The following PBX3 variants were observed in gnomAD, a reference collection of about 807,000 sequenced individuals.
The protein encoded by PBX3 is PBX homeobox 3, also known as pre-B-cell leukemia transcription factor 3.
In PBX3, 14 loss-of-function variants were observed where a neutral mutation model predicts 48.5. That is an observed-to-expected ratio of 0.29 (90% CI 0.19 to 0.45). The LOEUF is 0.45. Ranked by LOEUF, PBX3 falls within the 20% of genes least tolerant of loss-of-function variation. The pLI is 1.00. For missense variants in PBX3, 386 were observed against 546.7 expected (o/e 0.71, Z 2.93); for synonymous variants, 210 against 200.3 (o/e 1.05, Z -0.41).
chr9:125,908,561 A>G (rs368720891), intron 2 of PBX3, among the ~76,000 whole-genome samples: 1 of 71,310 alleles, frequency 1.4e-5, no homozygotes, highest in South Asian at 4.6e-4. Flanking sequence ...GTAGACTTCT[A>G]GCATTTTCTG....
At chr9:125,807,868 A>G (rs192485789) in intron 2 of PBX3, among the ~76,000 whole-genome samples, 13 of 152,352 alleles carry the variant, frequency 8.5e-5, no homozygotes, top group Admixed American at 8.5e-4. Flanking sequence ...TGTTTATGTT[A>G]TCAAAAAGAG....
At chr9:125,906,981 A>G (rs58286075) in intron 2 of PBX3, among the ~76,000 whole-genome samples, 5,393 of 152,062 alleles carry the variant, frequency 0.035, 333 homozygotes, top group African/African-American at 0.12. Context: ...TTTACTTTCT[A>G]TGTGTTTTTC....
rs1052593070 is a variant in PBX3 at position 125,792,061 on chromosome 9, C to T, written c.274+43438C>T. Among the ~76,000 whole-genome samples, 6 of 150,256 alleles carry T rather than the reference C, an allele frequency of 4.0e-5. No homozygotes were observed. In the East Asian group the frequency reaches 5.8e-4, roughly 15 times the overall value. On this transcript the variant is annotated intron_variant, in intron 2 of 8. Coordinates refer to ENST00000373489, the MANE Select transcript of PBX3 (RefSeq NM_006195.6). ...ACACACACACGCACGCACGCACGCA[C>T]GCACGCACGCACGCATATAAATAAA...
At chr9:125,956,536 T>C (rs184477336) in intron 5 of PBX3, among the ~76,000 whole-genome samples, 1 of 152,344 alleles carries the variant, frequency 6.6e-6, no homozygotes, top group African/African-American at 2.4e-5. Flanking sequence ...TTCAGGCTGC[T>C]CCTTGGCCTT....
intron 2 of PBX3, among the ~76,000 whole-genome samples, chr9:125,866,830 C>T (rs1839993249): frequency 6.6e-6 from 1 of 152,058 alleles, no homozygotes; most frequent in Non-Finnish European, 1.5e-5. Context: ...TGACAGTATC[C>T]AAAGCTATAC....
chr9:125,867,854 A>G (rs981382620), intron 2 of PBX3, among the ~76,000 whole-genome samples: 1 of 151,190 alleles, frequency 6.6e-6, no homozygotes, highest in Admixed American at 6.6e-5. Flanking sequence ...ACACATACAT[A>G]TATTTGTTTT....
intron 5 of PBX3, among the ~76,000 whole-genome samples, chr9:125,942,032 C>T (rs1418167720): frequency 6.6e-6 from 1 of 152,184 alleles, no homozygotes; most frequent in African/African-American, 2.4e-5. Context: ...TATTTATTCA[C>T]TCAACCAACA....
At chr9:125,779,675 A>G (rs200197819) in intron 2 of PBX3, among the ~76,000 whole-genome samples, 2,262 of 126,136 alleles carry the variant, frequency 0.018, 46 homozygotes, top group East Asian at 0.062. Context: ...ACACAGACAC[A>G]GCAACCATCC....
rs577417268 is a variant in PBX3 at position 125,898,692 on chromosome 9, A to G, written c.275-16994A>G. Among the ~76,000 whole-genome samples, 216 of 151,982 alleles carry G rather than the reference A, an allele frequency of 1.4e-3. 1 individual carries two copies. Among genetic ancestry groups the G allele is most frequent in the Non-Finnish European group, 2.1e-3 (144 of 67,836 alleles). ...ATAACAGAGCAGATATGAAGTGAAGATACAGAATGCTGAACCTCTAGTCTA... is the reference window on the plus strand; with the variant it reads ...ATAACAGAGCAGATATGAAGTGAAGGTACAGAATGCTGAACCTCTAGTCTA... On this transcript the variant is annotated intron_variant, in intron 2 of 8. Transcript: ENST00000373489.
chr9:125,896,828 C>G (rs1423854805), intron 2 of PBX3, among the ~76,000 whole-genome samples: 2 of 151,932 alleles, frequency 1.3e-5, no homozygotes, highest in South Asian at 2.1e-4. Flanking sequence ...AACAAAGTCT[C>G]TGCATTAAAG....
At chr9:125,936,994 G>A (rs1423739136) in intron 5 of PBX3, among the ~76,000 whole-genome samples, 1 of 152,176 alleles carries the variant, frequency 6.6e-6, no homozygotes, top group Non-Finnish European at 1.5e-5. Flanking sequence ...AAAGGATTAG[G>A]TTCATGCCGA....
intron 5 of PBX3, among the ~76,000 whole-genome samples, chr9:125,940,699 C>T (rs1841942506): frequency 6.6e-6 from 1 of 152,110 alleles, no homozygotes; most frequent in Non-Finnish European, 1.5e-5. Flanking sequence ...TATGTAACTA[C>T]ATAATGCTAA....
In PBX3 at chr9:125,870,125, G is replaced by A. The variant is rs117839733; in HGVS notation, c.275-45561G>A. On this transcript the variant is annotated intron_variant, in intron 2 of 8. Transcript: ENST00000373489. ...AGCACTATCTCAGCTCACTGAGACAGTAGCACGATCTCAGCTCCCTGCAAC... is the reference window on the plus strand; with the variant it reads ...AGCACTATCTCAGCTCACTGAGACAATAGCACGATCTCAGCTCCCTGCAAC... 7.5e-4 allele frequency among the ~76,000 whole-genome samples: 112 copies of A among 149,442 alleles called. 2 individuals are homozygous for A. The East Asian group carries it at 0.021, about 28-fold the overall frequency.
At chr9:125,881,311 G>A (rs577955774) in intron 2 of PBX3, among the ~76,000 whole-genome samples, 1 of 152,332 alleles carries the variant, frequency 6.6e-6, no homozygotes, top group African/African-American at 2.4e-5. Context: ...AAATAGGGAA[G>A]TATCAATTAG....
Position 125,748,583 on chromosome 9 carries a change from A to G in PBX3, c.234A>G (p.Pro78=). ...CCCTGAACTGTCACAGAATGAAACC[A>G]GCGCTCTTCAGCGTCCTGTGTGAGA... ...KHALNCHRMK[P]ALFSVLCEIK... Residue 78 remains proline, a synonymous_variant, in exon 2 of 9, where the codon CCA becomes CCG. Coordinates refer to ENST00000373489, the MANE Select transcript of PBX3 (RefSeq NM_006195.6). 1 of 1,613,888 alleles carries G rather than the reference A, an allele frequency of 6.2e-7. No individual in the cohort carries two copies. Among genetic ancestry groups the G allele is most frequent in the Admixed American group, 1.7e-5 (1 of 60,036 alleles).
chr9:125,906,285 A>G (rs1357060558), intron 2 of PBX3, among the ~76,000 whole-genome samples: 2 of 152,012 alleles, frequency 1.3e-5, no homozygotes, highest in African/African-American at 4.8e-5. Flanking sequence ...ATTGGAATGT[A>G]CTGAGAATGC....
chr9:125,834,158 T>C (rs1441351576), intron 2 of PBX3, among the ~76,000 whole-genome samples: 1 of 152,168 alleles, frequency 6.6e-6, no homozygotes, highest in East Asian at 1.9e-4. Context: ...ATAAATAGAA[T>C]AATTTCGAAG....
intron 2 of PBX3, among the ~76,000 whole-genome samples, chr9:125,780,406 C>G (rs1214900252): frequency 3.1e-5 from 2 of 65,042 alleles, no homozygotes; most frequent in African/African-American, 1.6e-4. Context: ...GCTGGCCGGG[C>G]GGGGGGCTGA....
chr9:125,766,991 TTCTC>T (rs1836816004), intron 2 of PBX3, among the ~76,000 whole-genome samples: 1 of 152,218 alleles, frequency 6.6e-6, no homozygotes. Context: ...CTTACTTGAC[TTCTC>T]TGTGTTACAG....
Sources: gnomAD v4.1 joint callset for allele counts (sites outside exome capture counted in the v4.1 genomes callset) on GRCh38, gnomAD v4.1.1 for gene constraint, MANE v1.5 for transcripts, NCBI Gene and HGNC (gene_info 2026-07-23, HGNC 2026-07-21) for gene names.